The following TMEM276 variants were observed in gnomAD, a reference collection of about 807,000 sequenced individuals.
The protein encoded by TMEM276 is transmembrane protein 276.
chr8:144,464,759 G>A, the TMEM276 span: 23 of 1,607,080 alleles, frequency 1.4e-5, no homozygotes, highest in African/African-American at 2.7e-5. Flanking sequence ...TAGGTCCTTG[G>A]GGTTTGGGAG....
chr8:144,466,991 G>A, the TMEM276 span: 3 of 1,596,048 alleles, frequency 1.9e-6, no homozygotes, highest in Admixed American at 1.7e-5. Flanking sequence ...GTCGGAAGGC[G>A]CAGCCGAGGG....
At chr8:144,464,594 C>G in the TMEM276 span, 4 of 1,608,844 alleles carry the variant, frequency 2.5e-6, no homozygotes, top group East Asian at 4.5e-5. Context: ...AGGAAGCCAG[C>G]AGCAGCCCCT....
chr8:144,466,226 C>A, the TMEM276 span: 1 of 188,824 alleles, frequency 5.3e-6, no homozygotes, highest in Non-Finnish European at 1.1e-5. Context: ...TGAGAAACGG[C>A]GGGTCTCCAG....
the TMEM276 span, chr8:144,466,654 C>A: frequency 9.5e-7 from 1 of 1,055,834 alleles, no homozygotes; most frequent in Non-Finnish European, 1.3e-6. Flanking sequence ...GGCCCCGATG[C>A]TGGAAGCGTA....
At chr8:144,466,880 G>A in the TMEM276 span, 1 of 1,539,086 alleles carries the variant, frequency 6.5e-7, no homozygotes, top group Non-Finnish European at 8.7e-7. Flanking sequence ...GGGCGGTGCC[G>A]GGACCTCCCA....
chr8:144,466,415 C>G, the TMEM276 span: 1 of 1,296,078 alleles, frequency 7.7e-7, no homozygotes, highest in Non-Finnish European at 1.0e-6. Context: ...CCGCCCCGCG[C>G]TCCCATGTAC....
At chr8:144,464,681 G>C in the TMEM276 span, 1 of 1,574,814 alleles carries the variant, frequency 6.3e-7, no homozygotes, top group Non-Finnish European at 8.6e-7. Context: ...ACAGGAAAGG[G>C]TTTGGGGCTT....
At chr8:144,465,011 T>C in the TMEM276 span, 1 of 1,540,304 alleles carries the variant, frequency 6.5e-7, no homozygotes, top group South Asian at 1.2e-5. Flanking sequence ...GGCACTCTAG[T>C]AAGCCCAGGT....
the TMEM276 span, chr8:144,464,170 G>C: frequency 6.2e-6 from 10 of 1,612,974 alleles, no homozygotes; most frequent in Non-Finnish European, 7.6e-6. Context: ...CCGGCAGTAA[G>C]CCCAGCTGCC....
At chr8:144,463,991 C>T in the TMEM276 span, 4 of 1,516,130 alleles carry the variant, frequency 2.6e-6, no homozygotes, top group African/African-American at 1.4e-5. Context: ...CAGACTCTGC[C>T]CCTGACCAGT....
At chr8:144,466,565 C>A in the TMEM276 span, 1 of 1,034,788 alleles carries the variant, frequency 9.7e-7, no homozygotes, top group Non-Finnish European at 1.2e-6. Context: ...CCGCCTGCCC[C>A]ACCCCCACGC....
the TMEM276 span, chr8:144,464,532 G>A: frequency 0.98 from 1,584,817 of 1,612,238 alleles, 780,855 homozygotes; most frequent in Non-Finnish European, 1. Context: ...GGCAGTCTTC[G>A]TGTGTGCTCA....
At chr8:144,464,041 A>C in the TMEM276 span, 2 of 1,540,912 alleles carry the variant, frequency 1.3e-6, no homozygotes, top group Non-Finnish European at 1.7e-6. Context: ...AGAAGAGTCT[A>C]CCCCTAGGGA....
the TMEM276 span, chr8:144,466,487 C>T: frequency 8.3e-6 from 11 of 1,322,598 alleles, no homozygotes; most frequent in Middle Eastern, 2.0e-4. Context: ...GGTGGCGCCG[C>T]GGCGGCCGCG....
chr8:144,465,968 A>T, the TMEM276 span: 4 of 90,868 alleles, frequency 4.4e-5, no homozygotes, highest in Non-Finnish European at 8.5e-5. Context: ...GCGAGGCTGC[A>T]AGGAACGGGG....
chr8:144,466,711 A>C, the TMEM276 span: 1 of 1,422,130 alleles, frequency 7.0e-7, no homozygotes, highest in Non-Finnish European at 9.4e-7. Context: ...GGAAGGGGCC[A>C]GCAGGCTGCC....
At chr8:144,465,532 G>A in the TMEM276 span, 3 of 595,608 alleles carry the variant, frequency 5.0e-6, no homozygotes, top group African/African-American at 4.2e-5. Context: ...TAGAGCGGCT[G>A]GGGGGGGAGG....
the TMEM276 span, chr8:144,465,543 G>T: frequency 2.0e-6 from 1 of 500,228 alleles, no homozygotes; most frequent in Non-Finnish European, 2.6e-6. Flanking sequence ...GGGGGGGAGG[G>T]TCGAGGCCTG....
At chr8:144,463,891 C>T in the TMEM276 span, 1 of 1,401,758 alleles carries the variant, frequency 7.1e-7, no homozygotes, top group South Asian at 1.7e-5. Context: ...CCGTGTCCAG[C>T]CCAGAATCAG....
Sources: gnomAD v4.1 joint callset for allele counts on GRCh38, gnomAD v4.1.1 for gene constraint, MANE v1.5 for transcripts, NCBI Gene and HGNC (gene_info 2026-07-23, HGNC 2026-07-21) for gene names.